The following CIMIP2A variants were observed in gnomAD, a reference collection of about 807,000 sequenced individuals.
CIMIP2A encodes family with sequence similarity 166 member A.
chr9:137,251,854 A>T, the CIMIP2A span: 2 of 1,608,282 alleles, frequency 1.2e-6, no homozygotes, highest in African/African-American at 1.3e-5. Context: ...GGCACCCCCC[A>T]GGAGTCCCTG....
the CIMIP2A span, chr9:137,247,690 A>C: frequency 6.2e-7 from 1 of 1,613,452 alleles, no homozygotes; most frequent in Non-Finnish European, 8.5e-7. Context: ...CGGCGTGAAG[A>C]GATCGTGTTT....
chr9:137,246,034 GCT>G, the CIMIP2A span, among the ~76,000 whole-genome samples: 2 of 152,214 alleles, frequency 1.3e-5, no homozygotes, highest in Non-Finnish European at 2.9e-5. Context: ...GCCTTCTAGA[GCT>G]CTCTCAGCCT....
the CIMIP2A span, chr9:137,245,456 G>C: frequency 6.2e-7 from 1 of 1,613,936 alleles, no homozygotes; most frequent in Non-Finnish European, 8.5e-7. Flanking sequence ...GCAGGCAGCA[G>C]AATCTGTCTG....
the CIMIP2A span, chr9:137,247,746 G>A: frequency 6.2e-7 from 1 of 1,607,858 alleles, no homozygotes; most frequent in African/African-American, 1.3e-5. Context: ...GCTGGCTCCA[G>A]TCCCTCCCGG....
chr9:137,243,824 T>C, the CIMIP2A span: 70 of 1,608,148 alleles, frequency 4.4e-5, no homozygotes, highest in Middle Eastern at 6.6e-4. Flanking sequence ...GCTGGGCTTA[T>C]GTGCCCAGGA....
At chr9:137,245,882 A>G in the CIMIP2A span, 1 of 1,472,736 alleles carries the variant, frequency 6.8e-7, no homozygotes, top group Admixed American at 2.4e-5. Flanking sequence ...AAGGCAGGGC[A>G]GGTCTCAAGG....
chr9:137,250,968 T>C, the CIMIP2A span: 700 of 379,256 alleles, frequency 1.8e-3, 14 homozygotes, highest in Admixed American at 0.024. Context: ...TGCTGAGGCC[T>C]CAGTCCTCCC....
At chr9:137,251,135 G>C in the CIMIP2A span, 2 of 672,886 alleles carry the variant, frequency 3.0e-6, no homozygotes, top group Non-Finnish European at 5.4e-6. Context: ...CATCTAGTTA[G>C]TGGGGGAGGG....
At chr9:137,252,090 TCCCCAC>T in the CIMIP2A span, 1 of 1,612,482 alleles carries the variant, frequency 6.2e-7, no homozygotes, top group Non-Finnish European at 8.5e-7. Flanking sequence ...ACGAGAGTCC[TCCCCAC>T]ACCCCCACTA....
At chr9:137,243,687 C>G in the CIMIP2A span, 1 of 1,614,114 alleles carries the variant, frequency 6.2e-7, no homozygotes, top group Non-Finnish European at 8.5e-7. Context: ...CAGACACCAC[C>G]ATTAAAGCAT....
At chr9:137,245,650 G>C in the CIMIP2A span, 1 of 1,607,540 alleles carries the variant, frequency 6.2e-7, no homozygotes, top group Non-Finnish European at 8.5e-7. Context: ...GGTGTAGTGG[G>C]GGATGTAGGG....
At chr9:137,247,714 AT>A in the CIMIP2A span, 1 of 1,613,330 alleles carries the variant, frequency 6.2e-7, no homozygotes. Context: ...AGTAGTTGTC[AT>A]TTTGCTTTCA....
the CIMIP2A span, among the ~76,000 whole-genome samples, chr9:137,247,412 C>G: frequency 7.3e-4 from 111 of 152,396 alleles, no homozygotes; most frequent in African/African-American, 2.5e-3. Flanking sequence ...TGCTGGCCAC[C>G]AGGTATCGAG....
chr9:137,244,771 C>T, the CIMIP2A span: 5 of 1,604,354 alleles, frequency 3.1e-6, no homozygotes, highest in Non-Finnish European at 2.6e-6. Context: ...TACCCCAAGC[C>T]CCCTTAGCCT....
At chr9:137,244,434 A>C in the CIMIP2A span, 2 of 1,519,202 alleles carry the variant, frequency 1.3e-6, no homozygotes, top group Non-Finnish European at 8.8e-7. Flanking sequence ...CCTACCCCCG[A>C]CTCCAAAACT....
chr9:137,244,788 G>A, the CIMIP2A span: 14 of 1,595,850 alleles, frequency 8.8e-6, no homozygotes, highest in East Asian at 1.1e-4. Context: ...GCCTTCCCCT[G>A]GGCACACCCA....
chr9:137,245,075 A>G, the CIMIP2A span: 2 of 1,610,396 alleles, frequency 1.2e-6, no homozygotes, highest in Non-Finnish European at 1.7e-6. Context: ...AGCCCAGCCC[A>G]GGCCCACACC....
chr9:137,252,052 C>T, the CIMIP2A span: 1 of 1,613,058 alleles, frequency 6.2e-7, no homozygotes, highest in South Asian at 1.1e-5. Context: ...CCCAGCCCCA[C>T]CAGGTACCAG....
At chr9:137,254,685 G>A in the CIMIP2A span, among the ~76,000 whole-genome samples, 1 of 152,166 alleles carries the variant, frequency 6.6e-6, no homozygotes, top group Non-Finnish European at 1.5e-5. Context: ...GGCTGGAGAG[G>A]CGGGGAGGCC....
Sources: gnomAD v4.1 joint callset for allele counts (sites outside exome capture counted in the v4.1 genomes callset) on GRCh38, gnomAD v4.1.1 for gene constraint, MANE v1.5 for transcripts, NCBI Gene and HGNC (gene_info 2026-07-23, HGNC 2026-07-21) for gene names.